Variants in FSTL4 observed in about 807,000 individuals in gnomAD.
The protein encoded by FSTL4 is follistatin like 4.
FSTL4 carries 28 observed loss-of-function variants against 78.2 expected under a neutral mutation model. That is an observed-to-expected ratio of 0.36 (90% confidence interval 0.27 to 0.49). The LOEUF (loss-of-function observed/expected upper bound fraction) is 0.49. Ranked by LOEUF, FSTL4 falls within the 20% of genes least tolerant of loss-of-function variation. The pLI is 0.98. For missense variants in FSTL4, 922 were observed against 1,084.9 expected (o/e 0.85, Z 2.11); for synonymous variants, 422 against 440.5 (o/e 0.96, Z 0.53).
intron 3 of FSTL4, among the ~76,000 whole-genome samples, chr5:133,419,641 A>G (rs1580696626): frequency 6.6e-6 from 1 of 152,340 alleles, no homozygotes; most frequent in South Asian, 2.1e-4. Context: ...GGTAAAAGTA[A>G]AAGGTTTACT....
At chr5:133,231,217 C>T (rs992686052) in intron 8 of FSTL4, among the ~76,000 whole-genome samples, 4 of 151,916 alleles carry the variant, frequency 2.6e-5, no homozygotes, top group African/African-American at 9.7e-5. Flanking sequence ...CCCAGTTTCT[C>T]TCTCAACTAT....
At chr5:133,625,760 C>CATATATATATTCCATAT in the FSTL4 span, among the ~76,000 whole-genome samples, 16 of 18,472 alleles carry the variant, frequency 8.7e-4, 2 homozygotes, top group South Asian at 3.9e-3. Flanking sequence ...ATATATATTC[C>CATATATATATTCCATAT]ATATATATTC....
the FSTL4 span, among the ~76,000 whole-genome samples, chr5:133,784,413 A>T: frequency 5.3e-5 from 8 of 152,270 alleles, no homozygotes; most frequent in East Asian, 1.2e-3. Flanking sequence ...TCCCACACAC[A>T]TGTCACCATC....
chr5:133,466,919 A>AGT (rs965688007), intron 3 of FSTL4, among the ~76,000 whole-genome samples: 1 of 147,832 alleles, frequency 6.8e-6, no homozygotes, highest in East Asian at 2.0e-4. Flanking sequence ...TAAGTGTGAG[A>AGT]GTGTGTGTGA....
chr5:133,229,494 A>C lies in FSTL4; in HGVS notation c.1016-3675T>G, dbSNP rs114824112. Among the ~76,000 whole-genome samples, 954 of 152,178 alleles carry C rather than the reference A, an allele frequency of 6.3e-3. 10 individuals are homozygous for C. The highest frequency in any genetic ancestry group is 0.022 in the African/African-American group (927 of 41,486). Reference sequence around the variant, plus strand: ...GCCTAGATCATGCTATTGCACTCCAACCTGGGCAACTGAGGGAGACCTTGT... The same window carrying C: ...GCCTAGATCATGCTATTGCACTCCACCCTGGGCAACTGAGGGAGACCTTGT... On this transcript the variant is annotated intron_variant, in intron 8 of 15. Transcript: ENST00000265342.
the FSTL4 span, among the ~76,000 whole-genome samples, chr5:133,814,325 T>C: frequency 7.2e-5 from 11 of 152,162 alleles, no homozygotes; most frequent in African/African-American, 2.7e-4. Context: ...TGAAAAGCCG[T>C]CTTCCAGTGC....
chr5:133,686,118 G>A, the FSTL4 span, among the ~76,000 whole-genome samples: 2 of 152,132 alleles, frequency 1.3e-5, no homozygotes, highest in Non-Finnish European at 2.9e-5. Context: ...ATAATTATGA[G>A]CATCCTACAT....
At chr5:133,608,473 G>C (rs1022226600) in intron 1 of FSTL4, among the ~76,000 whole-genome samples, 1 of 152,246 alleles carries the variant, frequency 6.6e-6, no homozygotes, top group Non-Finnish European at 1.5e-5. Context: ...ATCCACCCAG[G>C]TTCAAGGACA....
intron 3 of FSTL4, among the ~76,000 whole-genome samples, chr5:133,505,444 G>A (rs561464939): frequency 6.6e-6 from 1 of 152,310 alleles, no homozygotes; most frequent in South Asian, 2.1e-4. Flanking sequence ...AGATGTCTGT[G>A]TCCCAGAAGG....
At chr5:133,253,317 G>A (rs1752305044) in intron 6 of FSTL4, among the ~76,000 whole-genome samples, 1 of 152,246 alleles carries the variant, frequency 6.6e-6, no homozygotes, top group African/African-American at 2.4e-5. Flanking sequence ...AGCAGGGCAG[G>A]CCACCTGGCC....
intron 4 of FSTL4, among the ~76,000 whole-genome samples, chr5:133,372,756 T>A (rs1755341696): frequency 6.6e-6 from 1 of 152,200 alleles, no homozygotes; most frequent in Admixed American, 6.5e-5. Context: ...AATCTGCATA[T>A]CAAATGTGGC....
At chr5:133,221,911 T>TTG (rs1561626805) in intron 11 of FSTL4, among the ~76,000 whole-genome samples, 21 of 115,912 alleles carry the variant, frequency 1.8e-4, no homozygotes, top group Middle Eastern at 4.0e-3. Flanking sequence ...TTTTTTTTTT[T>TTG]TTTTTTTTTT....
the FSTL4 span, among the ~76,000 whole-genome samples, chr5:133,705,014 G>A: frequency 1.3e-5 from 2 of 152,216 alleles, no homozygotes; most frequent in Non-Finnish European, 2.9e-5. Context: ...CTGGCTAAGT[G>A]CCTGATGTCT....
At chr5:133,764,787 G>A in the FSTL4 span, among the ~76,000 whole-genome samples, 82 of 152,156 alleles carry the variant, frequency 5.4e-4, no homozygotes, top group African/African-American at 1.9e-3. Context: ...AGACACATTC[G>A]ATCCGAATCT....
chr5:133,623,267 G>A, the FSTL4 span, among the ~76,000 whole-genome samples: 1,627 of 152,130 alleles, frequency 0.011, 33 homozygotes, highest in African/African-American at 0.037. Flanking sequence ...TTACTACAAA[G>A]CTGCAGAAAT....
chr5:133,721,742 T>C, the FSTL4 span, among the ~76,000 whole-genome samples: 2 of 152,312 alleles, frequency 1.3e-5, no homozygotes, highest in Admixed American at 1.3e-4. Flanking sequence ...CAATTTGATT[T>C]TGTGTCTTGG....
At chr5:133,223,397 G>A (rs1257364848) in intron 11 of FSTL4, among the ~76,000 whole-genome samples, 1 of 152,256 alleles carries the variant, frequency 6.6e-6, no homozygotes, top group Non-Finnish European at 1.5e-5. Flanking sequence ...GATGGGAAAT[G>A]TCTTGGTTTT....
intron 1 of FSTL4, among the ~76,000 whole-genome samples, chr5:133,607,635 T>C (rs568841528): frequency 6.6e-6 from 1 of 152,338 alleles, no homozygotes; most frequent in South Asian, 2.1e-4. Context: ...TGTTTTGTTT[T>C]GTCCTGCCTG....
At chr5:133,259,712 T>C (rs954925833) in intron 6 of FSTL4, among the ~76,000 whole-genome samples, 1 of 151,760 alleles carries the variant, frequency 6.6e-6, no homozygotes, top group Non-Finnish European at 1.5e-5. Flanking sequence ...AGGGGGACCA[T>C]TTAGGAGGCC....
Sources: allele counts gnomAD v4.1 joint callset (sites outside exome capture counted in the v4.1 genomes callset), GRCh38; gene constraint gnomAD v4.1.1; transcripts MANE v1.5; gene names NCBI Gene and HGNC (gene_info 2026-07-23, HGNC 2026-07-21).